The following C8A variants were observed in gnomAD, a reference collection of about 807,000 sequenced individuals.
C8A encodes the protein complement C8 alpha chain, also known as complement component C8 alpha chain.
In C8A, 67 loss-of-function variants were observed where a neutral mutation model predicts 65.3. That is an observed-to-expected ratio of 1.03 (90% CI 0.84 to 1.26). The LOEUF (loss-of-function observed/expected upper bound fraction) is 1.26. C8A is among the 50% of genes most tolerant of loss of function. The pLI is 0.00. For missense variants in C8A, 781 were observed against 723.9 expected (o/e 1.08, Z -0.90); for synonymous variants, 290 against 259.4 (o/e 1.12, Z -1.13).
chr1:56,877,743 A>T lies in C8A; in HGVS notation c.464+1534A>T, dbSNP rs539184444. ...TCTTTACAAATAAGGAAATGAGGAG[A>T]TGTAGTAACTGTCACAGAGTGACCC... On this transcript the variant is annotated intron_variant, in intron 4 of 10. Transcript: ENST00000361249. Among the ~76,000 whole-genome samples the T allele has an allele frequency of 3.9e-5, 6 of 152,212 alleles. No homozygotes were observed. The South Asian group carries it at 1.2e-3, about 32-fold the overall frequency.
intron 5 of C8A, 54 bp downstream of exon 5, chr1:56,881,688 C>A: frequency 6.6e-7 from 1 of 1,512,216 alleles, no homozygotes; most frequent in Non-Finnish European, 9.2e-7. Context: ...GGCAGAGAGG[C>A]AGAGGCCTAT....
intron 7 of C8A, among the ~76,000 whole-genome samples, chr1:56,903,268 G>A (rs1644440059): frequency 6.6e-6 from 1 of 152,142 alleles, no homozygotes; most frequent in Non-Finnish European, 1.5e-5. Context: ...TTACTCTCAT[G>A]TTGTTCTCAT....
intron 9 of C8A, among the ~76,000 whole-genome samples, chr1:56,909,781 T>C (rs1359743480): frequency 1.3e-5 from 2 of 152,226 alleles, no homozygotes; most frequent in East Asian, 3.8e-4. Flanking sequence ...AGTTTCCTGC[T>C]CTATCACATA....
intron 9 of C8A, among the ~76,000 whole-genome samples, chr1:56,909,892 C>A (rs983233333): frequency 6.6e-6 from 1 of 152,180 alleles, no homozygotes; most frequent in African/African-American, 2.4e-5. Context: ...ATGATAGAGT[C>A]CAACTCGAGT....
intron 9 of C8A, among the ~76,000 whole-genome samples, chr1:56,909,708 G>T (rs1380147074): frequency 6.6e-6 from 1 of 152,152 alleles, no homozygotes; most frequent in Non-Finnish European, 1.5e-5. Context: ...CATAATTTAG[G>T]TCATAGCTCA....
At chr1:56,885,076 G>A (rs564212613) in intron 6 of C8A, among the ~76,000 whole-genome samples, 1 of 151,612 alleles carries the variant, frequency 6.6e-6, no homozygotes, top group South Asian at 2.1e-4. Flanking sequence ...AGAACAGAAG[G>A]GTGAAGCACA....
intron 2 of C8A, among the ~76,000 whole-genome samples, chr1:56,868,033 C>T (rs1004438954): frequency 2.0e-5 from 3 of 152,012 alleles, no homozygotes; most frequent in Non-Finnish European, 4.4e-5. Flanking sequence ...GAAGTAATAG[C>T]TTAGAAACAA....
chr1:56,887,030 C>T (rs970512797), intron 7 of C8A, among the ~76,000 whole-genome samples: 2 of 152,122 alleles, frequency 1.3e-5, no homozygotes, highest in African/African-American at 4.8e-5. Flanking sequence ...GATGCTACTA[C>T]AGTTTGAGAA....
chr1:56,885,499 C>CAT (rs1362030597), intron 6 of C8A, among the ~76,000 whole-genome samples: 4 of 96,534 alleles, frequency 4.1e-5, no homozygotes, highest in Non-Finnish European at 8.3e-5. Context: ...TACGTAAATA[C>CAT]ATATATATAT....
chr1:56,885,358 G>A (rs11206931), intron 6 of C8A, among the ~76,000 whole-genome samples: 1,194 of 116,176 alleles, frequency 0.01, 100 homozygotes, highest in African/African-American at 0.042. Flanking sequence ...ATATATTTAT[G>A]TAAATATATA....
chr1:56,870,535 C>A (rs1239318161), intron 2 of C8A, among the ~76,000 whole-genome samples: 2 of 152,052 alleles, frequency 1.3e-5, no homozygotes, highest in South Asian at 2.1e-4. Context: ...TCCAGACAAT[C>A]CAGGGTAATA....
At chr1:56,903,207 C>G (rs1286536289) in intron 7 of C8A, among the ~76,000 whole-genome samples, 1 of 152,122 alleles carries the variant, frequency 6.6e-6, no homozygotes, top group Admixed American at 6.5e-5. Flanking sequence ...CCCAAAATCC[C>G]CACGTCTCAT....
At chr1:56,885,805 C>A (rs1003801837) in intron 6 of C8A, 122 bp from the exon 7 acceptor site, 28 of 1,344,486 alleles carry the variant, frequency 2.1e-5, no homozygotes, top group Non-Finnish European at 2.9e-5. Flanking sequence ...CAGCTTCTGC[C>A]TCCCAAAATG....
At chr1:56,897,799 C>T (rs192439820) in intron 7 of C8A, among the ~76,000 whole-genome samples, 3 of 152,262 alleles carry the variant, frequency 2.0e-5, no homozygotes, top group Admixed American at 2.0e-4. Context: ...ATCTAATCTC[C>T]ATTCATCCAT....
intron 1 of C8A, among the ~76,000 whole-genome samples, chr1:56,855,680 T>C (rs1372725804): frequency 6.6e-6 from 1 of 151,868 alleles, no homozygotes; most frequent in Non-Finnish European, 1.5e-5. Context: ...TTGTGGAGCC[T>C]AAGCAGTCCT....
intron 7 of C8A, among the ~76,000 whole-genome samples, chr1:56,888,951 C>T (rs891341509): frequency 6.6e-6 from 1 of 152,130 alleles, no homozygotes; most frequent in Admixed American, 6.6e-5. Context: ...TAGTCTTCCA[C>T]CATGTGGTTG....
At chr1:56,910,460 C>G (rs1459155696) in intron 9 of C8A, among the ~76,000 whole-genome samples, 1 of 152,214 alleles carries the variant, frequency 6.6e-6, no homozygotes. Flanking sequence ...AGGGCTTCCC[C>G]TCTTCCTGTG....
intron 7 of C8A, among the ~76,000 whole-genome samples, chr1:56,889,064 A>G (rs1644324182): frequency 6.6e-6 from 1 of 152,080 alleles, no homozygotes; most frequent in Non-Finnish European, 1.5e-5. Flanking sequence ...TGAGGCTGAA[A>G]TGGGCTTCCA....
chr1:56,860,842 C>T (rs1254067133), intron 1 of C8A, among the ~76,000 whole-genome samples: 2 of 152,128 alleles, frequency 1.3e-5, no homozygotes, highest in African/African-American at 4.8e-5. Flanking sequence ...GACCGGACTG[C>T]ACTTTGAGGA....
Sources: allele counts gnomAD v4.1 joint callset (sites outside exome capture counted in the v4.1 genomes callset), GRCh38; gene constraint gnomAD v4.1.1; transcripts MANE v1.5; gene names NCBI Gene and HGNC (gene_info 2026-07-23, HGNC 2026-07-21).